The following ATG5 variants were observed in gnomAD, a reference collection of about 807,000 sequenced individuals.
The protein encoded by ATG5 is autophagy protein 5.
A neutral mutation model predicts 36.5 loss-of-function variants in ATG5; 14 were observed. That is an observed-to-expected ratio of 0.38 (90% CI 0.25 to 0.60). The LOEUF is 0.60. ATG5 is among the 20% of genes least tolerant of loss of function. The pLI, the probability that ATG5 is intolerant of heterozygous loss-of-function variation, is 0.60. For missense variants in ATG5, 195 were observed against 326.7 expected (o/e 0.60, Z 3.11); for synonymous variants, 95 against 101.5 (o/e 0.94, Z 0.38).
intron 5 of ATG5, among the ~76,000 whole-genome samples, chr6:106,274,209 T>A (rs1779559459): frequency 6.6e-6 from 1 of 152,218 alleles, no homozygotes; most frequent in Non-Finnish European, 1.5e-5. Flanking sequence ...CAACTTGATA[T>A]TAAATAGGTA....
chr6:106,210,984 T>G (rs777357772), intron 6 of ATG5, among the ~76,000 whole-genome samples: 21 of 152,234 alleles, frequency 1.4e-4, no homozygotes, highest in Non-Finnish European at 2.6e-4. Flanking sequence ...CATATACTAT[T>G]CTTGTAGTCA....
intron 6 of ATG5, among the ~76,000 whole-genome samples, chr6:106,230,791 T>C (rs535468270): frequency 1.8e-4 from 28 of 152,264 alleles, no homozygotes; most frequent in African/African-American, 6.7e-4. Context: ...GATATACTCT[T>C]TAAGGGGGAG....
chr6:106,254,340 G>A (rs544909078), intron 5 of ATG5, among the ~76,000 whole-genome samples: 6 of 152,004 alleles, frequency 3.9e-5, no homozygotes, highest in South Asian at 4.1e-4. Context: ...ATGTACTGTC[G>A]CTCTCCCTCA....
intron 6 of ATG5, among the ~76,000 whole-genome samples, chr6:106,226,522 T>C (rs1440157107): frequency 1.3e-5 from 2 of 152,066 alleles, no homozygotes; most frequent in Non-Finnish European, 2.9e-5. Flanking sequence ...TTATTTTAAA[T>C]ATGCGCAAAG....
rs1055280650 is a variant in ATG5, at chr6:106,222,741, A to T, written c.574-20652T>A. On this transcript the variant is annotated intron_variant, in intron 6 of 7. Coordinates refer to ENST00000369076, the MANE Select transcript of ATG5 (RefSeq NM_004849.4). ...CCTGGATTCAAATCCTGGCTCTTCT[A>T]ATTACTAGGTAGGTAACCCTGAGCA... Among the ~76,000 whole-genome samples the T allele has an allele frequency of 3.9e-5, 6 of 152,208 alleles. No individual in the cohort carries two copies. The South Asian group carries it at 1.0e-3, about 26-fold the overall frequency.
intron 6 of ATG5, among the ~76,000 whole-genome samples, chr6:106,220,311 C>T (rs1490443933): frequency 2.6e-5 from 4 of 152,114 alleles, no homozygotes; most frequent in Admixed American, 2.0e-4. Context: ...ATATCATCTC[C>T]TTAGCACTAA....
intron 6 of ATG5, among the ~76,000 whole-genome samples, chr6:106,244,588 T>C (rs998763537): frequency 4.6e-5 from 7 of 152,252 alleles, no homozygotes; most frequent in African/African-American, 1.7e-4. Context: ...GAACAAATTC[T>C]TCCTGGGGCA....
At chr6:106,194,471 T>G (rs1465471556) in intron 7 of ATG5, among the ~76,000 whole-genome samples, 2 of 152,176 alleles carry the variant, frequency 1.3e-5, no homozygotes, top group African/African-American at 2.4e-5. Flanking sequence ...TTCACTTTAT[T>G]AACATAATCT....
intron 6 of ATG5, among the ~76,000 whole-genome samples, chr6:106,231,070 G>A (rs186983520): frequency 6.6e-6 from 1 of 151,996 alleles, no homozygotes; most frequent in Non-Finnish European, 1.5e-5. Flanking sequence ...TAGACAAAGG[G>A]GTAAACAACT....
intron 5 of ATG5, among the ~76,000 whole-genome samples, chr6:106,270,031 T>C (rs1039563233): frequency 6.6e-6 from 1 of 152,238 alleles, no homozygotes; most frequent in African/African-American, 2.4e-5. Flanking sequence ...TTATTATCCA[T>C]GATACTCACT....
At chr6:106,245,122 A>AC (rs1267679302) in intron 6 of ATG5, among the ~76,000 whole-genome samples, 2 of 152,112 alleles carry the variant, frequency 1.3e-5, no homozygotes, top group Non-Finnish European at 1.5e-5. Context: ...ACCAAACTAA[A>AC]CTGTTATGTA....
chr6:106,276,557 C>G (rs1243680669), intron 5 of ATG5, among the ~76,000 whole-genome samples: 1 of 151,758 alleles, frequency 6.6e-6, no homozygotes, highest in Non-Finnish European at 1.5e-5. Context: ...CTTTGTTGTT[C>G]TTCTAACACT....
chr6:106,241,335 C>T lies in ATG5; in HGVS notation c.573+6815G>A, dbSNP rs13203112. On this transcript the variant is annotated intron_variant, in intron 6 of 7. Coordinates refer to ENST00000369076, the MANE Select transcript of ATG5 (RefSeq NM_004849.4). ...GCATTAGGATGGCTAGTATGAAGAA[C>T]AGAAAATAATAAATATTGGTGAAGA... is the stretch of plus-strand genomic sequence containing the variant. 7.5e-3 allele frequency among the ~76,000 whole-genome samples: 1,145 copies of T among 152,246 alleles called. 11 individuals carry two copies. Among genetic ancestry groups the T allele is most frequent in the Non-Finnish European group, 9.3e-3 (631 of 68,008 alleles).
intron 5 of ATG5, among the ~76,000 whole-genome samples, chr6:106,256,978 C>T (rs1021095611): frequency 1.3e-5 from 2 of 152,152 alleles, no homozygotes; most frequent in African/African-American, 4.8e-5. Context: ...AAAACAAACA[C>T]GTACAGCCGC....
chr6:106,202,732 G>A (rs745961972), intron 6 of ATG5, among the ~76,000 whole-genome samples: 4 of 152,214 alleles, frequency 2.6e-5, no homozygotes, highest in Admixed American at 2.6e-4. Flanking sequence ...CGCGATCTCA[G>A]CTCACTGCAA....
intron 3 of ATG5, among the ~76,000 whole-genome samples, chr6:106,297,868 C>T (rs1440008132): frequency 4.0e-5 from 6 of 150,840 alleles, no homozygotes; most frequent in African/African-American, 1.5e-4. Context: ...CCCAGGAGTT[C>T]GACACTAGCC....
intron 7 of ATG5, among the ~76,000 whole-genome samples, chr6:106,193,516 T>C (rs1372362284): frequency 2.0e-5 from 3 of 152,172 alleles, no homozygotes; most frequent in East Asian, 1.9e-4. Context: ...ATATGATCAG[T>C]TGTAATTATA....
intron 4 of ATG5, among the ~76,000 whole-genome samples, chr6:106,282,401 GTTTT>G (rs754276787): frequency 3.9e-5 from 6 of 152,112 alleles, no homozygotes; most frequent in Non-Finnish European, 5.9e-5. Context: ...CTAGGTTCCT[GTTTT>G]TTTATCAGTG....
intron 6 of ATG5, among the ~76,000 whole-genome samples, chr6:106,233,928 G>T (rs1009437613): frequency 2.0e-5 from 3 of 152,082 alleles, no homozygotes; most frequent in Non-Finnish European, 4.4e-5. Context: ...TCAAATAGGA[G>T]TTTACCTAAA....
Sources: gnomAD v4.1 joint callset for allele counts (sites outside exome capture counted in the v4.1 genomes callset) on GRCh38, gnomAD v4.1.1 for gene constraint, MANE v1.5 for transcripts, NCBI Gene and HGNC (gene_info 2026-07-23, HGNC 2026-07-21) for gene names.